Variants in RORA observed in about 807,000 individuals in gnomAD.
RORA encodes nuclear receptor ROR-alpha.
Under a neutral mutation model 69.5 loss-of-function variants are expected in RORA, and 7 were observed. The observed-to-expected ratio is 0.10, with a 90% CI of 0.06 to 0.19. RORA has a LOEUF of 0.19. RORA is among the 10% of genes least tolerant of loss of function. The pLI is 1.00. For synonymous variants in RORA, 261 were observed against 240.8 expected (o/e 1.08, Z -0.78); for missense variants, 457 against 663.0 (o/e 0.69, Z 3.41).
chr15:60,608,424 C>T (rs1008833629), intron 2 of RORA, among the ~76,000 whole-genome samples: 5 of 152,154 alleles, frequency 3.3e-5, no homozygotes, highest in South Asian at 2.1e-4. Flanking sequence ...CAGGAATCAT[C>T]CCCACTCACA....
intron 1 of RORA, chr15:61,193,996 CCAATGG>C (rs1189580123): frequency 6.6e-6 from 1 of 152,182 alleles, no homozygotes; most frequent in Non-Finnish European, 1.5e-5. Flanking sequence ...TATGCTTTTA[CCAATGG>C]CACCTCTAGA....
intron 2 of RORA, among the ~76,000 whole-genome samples, chr15:60,632,337 G>A (rs1175736209): frequency 6.6e-6 from 1 of 151,992 alleles, no homozygotes; most frequent in Non-Finnish European, 1.5e-5. Flanking sequence ...TCGATCTCCT[G>A]ACCTCGTGAT....
chr15:61,146,242 T>G (rs1302258558), intron 1 of RORA, among the ~76,000 whole-genome samples: 1 of 152,152 alleles, frequency 6.6e-6, no homozygotes, highest in Admixed American at 6.5e-5. Context: ...TGACACTGTT[T>G]ATCACTTCGC....
intron 1 of RORA, among the ~76,000 whole-genome samples, chr15:61,170,937 A>T: frequency 6.6e-6 from 1 of 152,226 alleles, no homozygotes; most frequent in Non-Finnish European, 1.5e-5. Context: ...CATACTTTCC[A>T]TTCCTCACAA....
chr15:60,884,991 C>T (rs545240859), intron 1 of RORA, among the ~76,000 whole-genome samples: 1 of 152,260 alleles, frequency 6.6e-6, no homozygotes, highest in African/African-American at 2.4e-5. Flanking sequence ...ATAGTTTGGA[C>T]CATAGCAAGC....
intron 1 of RORA, among the ~76,000 whole-genome samples, chr15:61,062,650 CATATCATATGT>C (rs1198668154): frequency 1.3e-5 from 2 of 152,172 alleles, no homozygotes; most frequent in Non-Finnish European, 2.9e-5. Context: ...GGAGCATTTG[CATATCATATGT>C]ATATTAATTT....
At chr15:60,736,622 CTGTT>C (rs1226453683) in intron 1 of RORA, 3 of 152,284 alleles carry the variant, frequency 2.0e-5, no homozygotes, top group East Asian at 1.9e-4. Context: ...AAGTGTAAGT[CTGTT>C]TGTGTGGCCC....
chr15:60,536,025 G>A (rs78852743), intron 2 of RORA, among the ~76,000 whole-genome samples: 1 of 152,084 alleles, frequency 6.6e-6, no homozygotes, highest in Non-Finnish European at 1.5e-5. Context: ...AGTTATCCCC[G>A]TAGTTTATAA....
intron 1 of RORA, among the ~76,000 whole-genome samples, chr15:60,781,179 A>C (rs1039532708): frequency 2.0e-5 from 3 of 152,058 alleles, no homozygotes; most frequent in Admixed American, 6.5e-5. Flanking sequence ...GCTAGGGTGG[A>C]GTGGGGACGA....
At chr15:60,677,043 G>A in intron 2 of RORA, 2 of 367,290 alleles carry the variant, frequency 5.4e-6, no homozygotes, top group Non-Finnish European at 1.1e-5. Context: ...TACATTGCCA[G>A]GTGGCCAGGA....
At chr15:61,001,254 A>C (rs1464487831) in intron 1 of RORA, among the ~76,000 whole-genome samples, 1 of 152,230 alleles carries the variant, frequency 6.6e-6, no homozygotes, top group Non-Finnish European at 1.5e-5. Flanking sequence ...AAATGAATTA[A>C]AAATCCCTGT....
At chr15:60,502,615 C>T in intron 8 of RORA, 145 bp downstream of exon 8, 1 of 653,864 alleles carries the variant, frequency 1.5e-6, no homozygotes, top group Non-Finnish European at 2.7e-6. Flanking sequence ...TCTACAGTGA[C>T]TAACTAGAAA....
intron 1 of RORA, among the ~76,000 whole-genome samples, chr15:61,040,754 A>T (rs1896723393): frequency 6.6e-6 from 1 of 152,214 alleles, no homozygotes; most frequent in Non-Finnish European, 1.5e-5. Flanking sequence ...ATTACAGACA[A>T]GTAAAAACTC....
intron 1 of RORA, among the ~76,000 whole-genome samples, chr15:60,973,451 T>A (rs1893784125): frequency 6.6e-6 from 1 of 152,324 alleles, no homozygotes; most frequent in Non-Finnish European, 1.5e-5. Context: ...AAAGGGTTTA[T>A]GAGGGTCGGG....
intron 2 of RORA, among the ~76,000 whole-genome samples, chr15:60,640,504 G>A (rs1017556522): frequency 3.3e-5 from 5 of 152,056 alleles, no homozygotes; most frequent in African/African-American, 4.8e-5. Flanking sequence ...AAACCCTCCC[G>A]TGGCTGAACT....
At chr15:61,204,132 G>A (rs2079918526) in intron 1 of RORA, among the ~76,000 whole-genome samples, 1 of 152,158 alleles carries the variant, frequency 6.6e-6, no homozygotes, top group Non-Finnish European at 1.5e-5. Flanking sequence ...GCTCTAGAGG[G>A]CAAAGGAATG....
At chr15:61,111,281 G>T (rs1286826285) in intron 1 of RORA, among the ~76,000 whole-genome samples, 1 of 152,186 alleles carries the variant, frequency 6.6e-6, no homozygotes, top group Non-Finnish European at 1.5e-5. Context: ...GCTGGGTTTT[G>T]TCTTCTGTTG....
chr15:60,859,655 C>T (rs341385), intron 1 of RORA, among the ~76,000 whole-genome samples: 86,868 of 101,682 alleles, frequency 0.85, 37,668 homozygotes, highest in Non-Finnish European at 0.88. Flanking sequence ...TTCTTTCTTT[C>T]TTTTTTTTTT....
At chr15:60,549,507 CTCAGG>C (rs1306430642) in intron 2 of RORA, among the ~76,000 whole-genome samples, 273 of 152,250 alleles carry the variant, frequency 1.8e-3, no homozygotes, top group African/African-American at 6.1e-3. Flanking sequence ...TCTGCAGTTT[CTCAGG>C]ATCTCACATG....
Sources: allele counts gnomAD v4.1 joint callset (sites outside exome capture counted in the v4.1 genomes callset), GRCh38; gene constraint gnomAD v4.1.1; transcripts MANE v1.5; gene names NCBI Gene and HGNC (gene_info 2026-07-23, HGNC 2026-07-21).